Variants in FAM135B observed in about 807,000 individuals in gnomAD.
FAM135B encodes protein FAM135B.
In FAM135B, 43 loss-of-function variants were observed where a neutral mutation model predicts 127.7. The observed-to-expected ratio is 0.34, with a 90% CI of 0.26 to 0.43. The LOEUF is 0.43. Ranked by LOEUF, FAM135B falls within the 20% of genes least tolerant of loss-of-function variation. FAM135B has a pLI of 1.00. For missense variants in FAM135B, 1,558 were observed against 1,725.6 expected, an observed-to-expected ratio of 0.90 and a Z score of 1.72; for synonymous variants, 670 against 665.1, an observed-to-expected ratio of 1.01 and a Z score of -0.11.
chr8:138,145,234 T>C (rs181306482), intron 15 of FAM135B, among the ~76,000 whole-genome samples: 79 of 152,246 alleles, frequency 5.2e-4, no homozygotes, highest in African/African-American at 1.8e-3. Flanking sequence ...CAGGCTGTTT[T>C]TGAACTCCTA....
In FAM135B at chr8:138,243,480, C is replaced by T. The variant is rs1821024204; in HGVS notation, c.543-412G>A. On this transcript the variant is annotated intron_variant, in intron 6 of 19. Transcript: ENST00000395297. This position sits in a 1 kb window ranked among gnomAD's most constrained non-coding sequence, Gnocchi z 7.5. ...TTCCACCAACTCCTCCCTCCCTGGA[C>T]CTCTTTTCTTCTGTGGAAAAGCATA... Among the ~76,000 whole-genome samples, 1 of 152,202 alleles carries T rather than the reference C, an allele frequency of 6.6e-6. No individual in the cohort carries two copies. Among genetic ancestry groups the T allele is most frequent in the African/African-American group, 2.4e-5 (1 of 41,456 alleles).
chr8:138,178,762 T>C, intron 9 of FAM135B, 72 bp from the exon 10 acceptor site: 1 of 1,418,254 alleles, frequency 7.1e-7, no homozygotes, highest in South Asian at 1.2e-5. Flanking sequence ...CTTCCTGAAG[T>C]CTTTACTGAC....
chr8:138,347,462 C>T (rs754892544), intron 2 of FAM135B, among the ~76,000 whole-genome samples: 3 of 152,162 alleles, frequency 2.0e-5, no homozygotes, highest in Non-Finnish European at 4.4e-5. Context: ...TCCCACAGGT[C>T]ACCTCTGCAT....
At chr8:138,382,781 T>C (rs1831941640) in intron 1 of FAM135B, among the ~76,000 whole-genome samples, 1 of 152,124 alleles carries the variant, frequency 6.6e-6, no homozygotes, top group Non-Finnish European at 1.5e-5. Context: ...AAAAAAACAA[T>C]AACGCTTTCA....
intron 2 of FAM135B, among the ~76,000 whole-genome samples, chr8:138,350,620 C>T (rs959843543): frequency 6.6e-6 from 1 of 152,144 alleles, no homozygotes; most frequent in Non-Finnish European, 1.5e-5. Context: ...CCATTGAATA[C>T]ACTGGAATAT....
chr8:138,221,318 C>T (rs1003284861), intron 7 of FAM135B, among the ~76,000 whole-genome samples: 13 of 152,028 alleles, frequency 8.6e-5, no homozygotes, highest in African/African-American at 2.9e-4. Flanking sequence ...AAGTGTCACA[C>T]GCTTTCAAAC....
intron 1 of FAM135B, among the ~76,000 whole-genome samples, chr8:138,495,372 C>T (rs1343738869): frequency 6.6e-6 from 1 of 152,186 alleles, no homozygotes; most frequent in Non-Finnish European, 1.5e-5. Context: ...CCACTTTCCT[C>T]TACACCTAAC....
intron 3 of FAM135B, among the ~76,000 whole-genome samples, chr8:138,305,998 A>G (rs1190440114): frequency 2.0e-5 from 3 of 152,242 alleles, no homozygotes; most frequent in Non-Finnish European, 4.4e-5. Context: ...TAGTGAAAGT[A>G]GCATTCAATT....
chr8:138,428,306 A>T (rs988829909), intron 1 of FAM135B, among the ~76,000 whole-genome samples: 1 of 152,158 alleles, frequency 6.6e-6, no homozygotes, highest in Non-Finnish European at 1.5e-5. Flanking sequence ...GGGACTCAAA[A>T]CCACAGCTAG....
intron 2 of FAM135B, among the ~76,000 whole-genome samples, chr8:138,355,678 C>T (rs181050272): frequency 6.6e-6 from 1 of 152,262 alleles, no homozygotes; most frequent in East Asian, 1.9e-4. Flanking sequence ...GAGACCCTGG[C>T]AGGTGCCAAG....
chr8:138,251,336 G>A (rs906480870), intron 5 of FAM135B, among the ~76,000 whole-genome samples: 1 of 152,114 alleles, frequency 6.6e-6, no homozygotes, highest in Non-Finnish European at 1.5e-5. Flanking sequence ...CAACATTGAA[G>A]CCTCCTACTT....
At chr8:138,258,564 TG>T (rs1822287703) in intron 4 of FAM135B, among the ~76,000 whole-genome samples, 2 of 152,114 alleles carry the variant, frequency 1.3e-5, no homozygotes, top group South Asian at 4.1e-4. Flanking sequence ...CGCATATGCC[TG>T]GGTAATGAAA....
chr8:138,346,522 G>A (rs369112986), intron 2 of FAM135B, among the ~76,000 whole-genome samples: 15 of 152,298 alleles, frequency 9.8e-5, no homozygotes, highest in African/African-American at 2.9e-4. Flanking sequence ...TTGCAGGGAC[G>A]TGGATGGAGC....
At chr8:138,392,694 A>G (rs894715286) in intron 1 of FAM135B, among the ~76,000 whole-genome samples, 2 of 152,292 alleles carry the variant, frequency 1.3e-5, no homozygotes, top group East Asian at 3.9e-4. Context: ...TCTTCTGAGC[A>G]TCTAGGTACT....
intron 2 of FAM135B, among the ~76,000 whole-genome samples, chr8:138,338,876 G>A (rs200711423): frequency 3.3e-5 from 5 of 151,994 alleles, no homozygotes; most frequent in African/African-American, 1.2e-4. Flanking sequence ...TCCAACAATG[G>A]TAGACTGGAT....
At chr8:138,211,084 A>G (rs1818105703) in intron 7 of FAM135B, among the ~76,000 whole-genome samples, 1 of 152,190 alleles carries the variant, frequency 6.6e-6, no homozygotes, top group Admixed American at 6.5e-5. Context: ...GCTCCGTGCT[A>G]ATGTTAGCTC....
intron 17 of FAM135B, among the ~76,000 whole-genome samples, chr8:138,139,601 C>A (rs1218867532): frequency 6.6e-6 from 1 of 152,014 alleles, no homozygotes; most frequent in Non-Finnish European, 1.5e-5. Flanking sequence ...GGTGAAATCC[C>A]GACTCTATTA....
chr8:138,473,175 A>G (rs1448751031), intron 1 of FAM135B, among the ~76,000 whole-genome samples: 4 of 152,188 alleles, frequency 2.6e-5, no homozygotes, highest in Non-Finnish European at 5.9e-5. Context: ...TAATGAGAGA[A>G]AGCAGGATCT....
intron 7 of FAM135B, among the ~76,000 whole-genome samples, chr8:138,202,579 C>A (rs1013182040): frequency 6.6e-6 from 1 of 152,154 alleles, no homozygotes; most frequent in Non-Finnish European, 1.5e-5. Context: ...CACTTACTAC[C>A]AATGTCACCT....
Sources: gnomAD v4.1 joint callset for allele counts (sites outside exome capture counted in the v4.1 genomes callset) on GRCh38, gnomAD v4.1.1 for gene constraint, Gnocchi (gnomAD v3.1) non-coding constraint, MANE v1.5 for transcripts, NCBI Gene and HGNC (gene_info 2026-07-23, HGNC 2026-07-21) for gene names.